Variants in SUPT16H observed in about 807,000 individuals in gnomAD.
The protein encoded by SUPT16H is SPT16 homolog, facilitates chromatin remodeling subunit, also known as FACT complex subunit SPT16.
Under a neutral mutation model 136.2 loss-of-function variants are expected in SUPT16H, and 24 were observed. The ratio of observed to expected loss-of-function variants is 0.18; its 90% confidence interval spans 0.13 to 0.25. The LOEUF (loss-of-function observed/expected upper bound fraction) is 0.25. Ranked by LOEUF, SUPT16H falls within the 10% of genes least tolerant of loss-of-function variation. The pLI, the probability that SUPT16H is intolerant of heterozygous loss-of-function variation, is 1.00. For synonymous variants in SUPT16H, 415 were observed against 428.2 expected (o/e 0.97, Z 0.38); for missense variants, 623 against 1,270.2 (o/e 0.49, Z 7.74).
chr14:21,380,971 G>A (rs1420655600), intron 1 of SUPT16H, among the ~76,000 whole-genome samples: 2 of 151,462 alleles, frequency 1.3e-5, no homozygotes, highest in Non-Finnish European at 2.9e-5. Context: ...GAAACATGCA[G>A]CCCATTTCCA....
chr14:21,378,571 C>G (rs1281564417), intron 1 of SUPT16H, among the ~76,000 whole-genome samples: 1 of 152,072 alleles, frequency 6.6e-6, no homozygotes, highest in Non-Finnish European at 1.5e-5. Flanking sequence ...TTCAACTTTT[C>G]TGTCTTTAAA....
chr14:21,372,111 T>C (rs1296837478), intron 2 of SUPT16H, 67 bp from the exon 3 acceptor site: 2 of 1,485,898 alleles, frequency 1.3e-6, no homozygotes, highest in Non-Finnish European at 1.8e-6. Context: ...CATATAGATA[T>C]ACAGAAATAC....
chr14:21,367,119 T>C (rs1886688761), intron 7 of SUPT16H, among the ~76,000 whole-genome samples: 3 of 152,126 alleles, frequency 2.0e-5, no homozygotes, highest in Admixed American at 2.0e-4. Context: ...TTTTTTGTAT[T>C]TTTAGTAGAT....
Position 21,353,927 on chromosome 14 carries a change from T to G in SUPT16H, c.2791-95A>C, listed in dbSNP as rs936839830. 2.4e-6 allele frequency: 3 copies of G among 1,250,096 alleles called. No homozygotes were observed. In the African/African-American group the frequency reaches 4.5e-5, roughly 19 times the overall value. The allele number at this position is 1,250,096 out of a possible 1,614,324, so 77.4% of individuals were successfully genotyped here. A position where few individuals can be genotyped will look rare whatever the true frequency, so the allele number is the denominator to read the frequency against. On this transcript the variant is annotated intron_variant, in intron 23 of 25. Transcript: ENST00000216297. ...CCCACATAGTATACCAGTATTTACA[T>G]GAAGAAAACAAGAGCAAAATAATCT...
chr14:21,383,489 T>C (rs1887086810), intron 1 of SUPT16H: 6 of 586,316 alleles, frequency 1.0e-5, no homozygotes, highest in African/African-American at 1.9e-5. Flanking sequence ...GGTGGAATAT[T>C]GTGGTTCTGG....
chr14:21,351,810 CCTCTT>C lies in SUPT16H; in HGVS notation c.*858_*862del, dbSNP rs1202128642. 2 of 152,972 alleles carry C rather than the reference CCTCTT, an allele frequency of 1.3e-5. No individual in the cohort carries two copies. Among genetic ancestry groups the C allele is most frequent in the Non-Finnish European group, 2.9e-5 (2 of 68,298 alleles). 9.5% of individuals were successfully genotyped at this position (152,972 alleles called of 1,614,324 possible). On this transcript the variant is annotated 3_prime_UTR_variant, in exon 26 of 26. Transcript: ENST00000216297. The stretch of plus-strand genomic sequence containing the variant: ...CTGTGTTGTAGATATGGCCTCCCTT[CCTCTT>C]CTCTTTTCTCATCAGGGTATTCTAG...
intron 1 of SUPT16H, chr14:21,383,618 T>C: frequency 2.8e-6 from 2 of 704,352 alleles, no homozygotes; most frequent in South Asian, 1.5e-5. Flanking sequence ...GGTGCTGCTA[T>C]GCATGACCAA....
At chr14:21,361,491 A>AT (rs1358220513) in intron 15 of SUPT16H, among the ~76,000 whole-genome samples, 3 of 151,120 alleles carry the variant, frequency 2.0e-5, no homozygotes, top group African/African-American at 7.3e-5. Flanking sequence ...TAGTTTTTGT[A>AT]TTTTTAGCAG....
Position 21,363,480 on chromosome 14 carries a change from A to C in SUPT16H, c.1257T>G (p.Thr419=). ...CATTCTTCACTTTCTTCTTCACAGA[A>C]GTGAGAACAGTAGCTGGGCCATCCT... is the stretch of plus-strand genomic sequence containing the variant. ...VDEDGPATVL[T]SVKKKVKNVG... is the part of the protein sequence containing the mutation. The change falls in exon 11 of 26, where the codon ACT becomes ACG. Residue 419 remains threonine, a synonymous_variant. Transcript: ENST00000216297. The C allele has an allele frequency of 1.9e-6, 3 of 1,613,682 alleles. No homozygotes were observed. Among genetic ancestry groups the C allele is most frequent in the African/African-American group, 1.3e-5 (1 of 75,034 alleles).
intron 7 of SUPT16H, 49 bp downstream of exon 7, chr14:21,368,220 G>T: frequency 6.4e-7 from 1 of 1,565,924 alleles, no homozygotes. Context: ...CCCGGCCAAT[G>T]ACATTTTTGT....
At chr14:21,379,714 CAAT>C (rs144376328) in intron 1 of SUPT16H, among the ~76,000 whole-genome samples, 1 of 151,584 alleles carries the variant, frequency 6.6e-6, no homozygotes, top group Non-Finnish European at 1.5e-5. Flanking sequence ...AAATAAATAA[CAAT>C]AATAATAATA....
chr14:21,369,888 G>C lies in SUPT16H; in HGVS notation c.492C>G (p.Ile164Met), dbSNP rs1886749389. 8 of 1,613,802 alleles carry C rather than the reference G, an allele frequency of 5.0e-6. No individual in the cohort carries two copies. Among genetic ancestry groups the C allele is most frequent in the Non-Finnish European group, 5.9e-6 (7 of 1,179,882 alleles). Residue 164 changes from isoleucine (I) to methionine (M), a missense_variant, in exon 5 of 26, where the codon ATC becomes ATG. Coordinates refer to ENST00000216297, the MANE Select transcript of SUPT16H (RefSeq NM_007192.4). ...LNKEGFDKIDISAVVAYTIAV... is the reference protein window; with the variant it reads ...LNKEGFDKIDMSAVVAYTIAV... ...CGATGGTATATGCCACAACTGCACT[G>C]ATATCTATCTGCAGTCAAAGTGACA...
intron 22 of SUPT16H, among the ~76,000 whole-genome samples, chr14:21,356,362 C>T (rs1364515028): frequency 1.3e-5 from 2 of 152,184 alleles, no homozygotes; most frequent in Non-Finnish European, 2.9e-5. Flanking sequence ...TTTCCACCAC[C>T]TTTCCACCAG....
chr14:21,353,857 AT>A (rs200648907), intron 23 of SUPT16H, 25 bp from the exon 24 acceptor site: 315 of 1,578,216 alleles, frequency 2.0e-4, no homozygotes, highest in Admixed American at 6.8e-4. Context: ...CATAATACTG[AT>A]TTTTTTTTGA....
At position 21,373,140 on chromosome 14, in the gene SUPT16H, T is replaced by G. The variant is rs574820726; in HGVS notation, c.159+198A>C. 2.6e-4 allele frequency among the ~76,000 whole-genome samples: 40 copies of G among 152,258 alleles called. No individual in the cohort carries two copies. The East Asian group carries it at 6.0e-3, about 23-fold the overall frequency. The stretch of plus-strand genomic sequence containing the variant: ...TTTGTATTTCTTGTAAAGACAGGGT[T>G]TTGCCATGTTGTCCAGGCTGGTCTT... On this transcript the variant is annotated intron_variant, in intron 2 of 25. Transcript: ENST00000216297.
At chr14:21,354,370 G>T (rs1201239984) in intron 23 of SUPT16H, 41 bp downstream of exon 23, 1 of 1,608,814 alleles carries the variant, frequency 6.2e-7, no homozygotes, top group Non-Finnish European at 8.5e-7. Flanking sequence ...ATGATAGCGG[G>T]CAACACTGTG....
Position 21,366,467 on chromosome 14 carries a change from G to C in SUPT16H, c.1018C>G (p.Leu340Val). Residue 340 changes from leucine (L) to valine (V), a missense_variant, in exon 8 of 26, where the codon CTG (leucine) becomes GTG (valine). Around this residue, in one of 7 missense-constraint regions of SUPT16H, gnomAD observed 343 missense variants for 525.7 expected, o/e 0.65. Coordinates refer to ENST00000216297, the MANE Select transcript of SUPT16H (RefSeq NM_007192.4). The part of the protein sequence containing the change: ...MDVVKKQKPE[L>V]LNKITKNLGF... ...AGGTTTTTGGTAATTTTGTTCAGCA[G>C]TTCTGGCTTCTGCTTTTTAACCACG... 1 of 1,614,094 alleles carries C rather than the reference G, an allele frequency of 6.2e-7. No homozygotes were observed. Among genetic ancestry groups the C allele is most frequent in the South Asian group, 1.1e-5 (1 of 91,074 alleles).
chr14:21,360,098 G>A (rs936705040), intron 18 of SUPT16H, among the ~76,000 whole-genome samples: 1 of 152,132 alleles, frequency 6.6e-6, no homozygotes, highest in South Asian at 2.1e-4. Flanking sequence ...CGCGATCTCG[G>A]CTCACTGCAA....
chr14:21,375,928 G>C, intron 1 of SUPT16H, among the ~76,000 whole-genome samples: 1 of 152,156 alleles, frequency 6.6e-6, no homozygotes, highest in Non-Finnish European at 1.5e-5. Context: ...TCATATCTAA[G>C]AAGGTTCTGC....
Sources: gnomAD v4.1 joint callset for allele counts (sites outside exome capture counted in the v4.1 genomes callset) on GRCh38, gnomAD v4.1.1 for gene constraint, gnomAD v4.1.1 regional missense constraint, MANE v1.5 for transcripts, NCBI Gene and HGNC (gene_info 2026-07-23, HGNC 2026-07-21) for gene names.